SEMA6A: variants seen among roughly 807,000 people sequenced by gnomAD.
The protein encoded by SEMA6A is semaphorin-6A.
In SEMA6A, 25 loss-of-function variants were observed where a neutral mutation model predicts 96.8. The ratio of observed to expected loss-of-function variants is 0.26; its 90% CI spans 0.19 to 0.36. SEMA6A has a LOEUF of 0.36. Ranked by LOEUF, SEMA6A falls within the 10% of genes least tolerant of loss-of-function variation. The pLI is 1.00. For synonymous variants in SEMA6A, 612 were observed against 518.0 expected (o/e 1.18, Z -2.46); for missense variants, 1,363 against 1,323.1 (o/e 1.03, Z -0.47).
At position 116,475,562 on chromosome 5, in the gene SEMA6A, C is replaced by T. The variant is rs752222738; in HGVS notation, c.1691G>A (p.Gly564Asp). 2 of 1,603,414 alleles carry T rather than the reference C, an allele frequency of 1.2e-6. No homozygotes were observed. Among genetic ancestry groups the T allele is most frequent in the South Asian group, 2.3e-5 (2 of 88,456 alleles). ...GTACTTACTGTGACAGTCCCCCAGA[C>T]CATCTGTATTGCCACGCTCTATGTC... is the stretch of plus-strand genomic sequence containing the variant. ...EQDIERGNTD[G>D]LGDCHNSFVA... Residue 564 changes from glycine to aspartate, a missense_variant, in exon 16 of 19, where the codon GGT becomes GAT. Gly to Asp is a moderately conservative substitution (Grantham distance 94). Coordinates refer to ENST00000343348, the MANE Select transcript of SEMA6A (RefSeq NM_020796.5).
At chr5:116,536,409 TGTCCTGGGGAGCCCGA>T (rs1264782553) in intron 1 of SEMA6A, 3 of 152,136 alleles carry the variant, frequency 2.0e-5, no homozygotes, top group Non-Finnish European at 2.9e-5. Context: ...AAAGAGACAT[TGTCCTGGGGAGCCCGA>T]GTCATGGGAA....
intron 10 of SEMA6A, among the ~76,000 whole-genome samples, chr5:116,484,501 G>C (rs574727467): frequency 6.6e-6 from 1 of 151,858 alleles, no homozygotes; most frequent in Non-Finnish European, 1.5e-5. Context: ...CTTCAGTGTG[G>C]AGGCAAATAT....
intron 1 of SEMA6A, among the ~76,000 whole-genome samples, chr5:116,572,786 C>T (rs1369035876): frequency 6.6e-6 from 1 of 152,206 alleles, no homozygotes; most frequent in Non-Finnish European, 1.5e-5. Context: ...CCCGAGCTGT[C>T]CGCATGATTC....
At chr5:116,467,874 C>T (rs1051788245) in intron 17 of SEMA6A, 127 bp from the exon 18 acceptor site, 9 of 855,406 alleles carry the variant, frequency 1.1e-5, no homozygotes, top group Admixed American at 4.9e-5. Context: ...CTAGAAATGA[C>T]ACGGCTTAGT....
At chr5:116,555,494 A>G (rs1377311381) in intron 1 of SEMA6A, among the ~76,000 whole-genome samples, 3 of 152,206 alleles carry the variant, frequency 2.0e-5, no homozygotes, top group African/African-American at 7.2e-5. Flanking sequence ...ACAAAGTTTT[A>G]TTATATAAAA....
chr5:116,468,098 A>G (rs1408531225), intron 17 of SEMA6A: 5 of 227,646 alleles, frequency 2.2e-5, no homozygotes, highest in Non-Finnish European at 4.3e-5. Context: ...AGCATCTTGC[A>G]CAGTGTCTGA....
chr5:116,502,083 G>A (rs1757910158), intron 3 of SEMA6A, 127 bp downstream of exon 3: 6 of 666,582 alleles, frequency 9.0e-6, no homozygotes, highest in Admixed American at 8.6e-5. Flanking sequence ...TAAGTTAAAG[G>A]AGGCTTTAAG....
At chr5:116,561,897 A>T (rs567540164) in intron 1 of SEMA6A, among the ~76,000 whole-genome samples, 15 of 152,324 alleles carry the variant, frequency 9.8e-5, no homozygotes, top group African/African-American at 3.1e-4. Flanking sequence ...CTGAGAGGAA[A>T]CACCTTGTAG....
chr5:116,489,287 T>C (rs944709692), intron 7 of SEMA6A, among the ~76,000 whole-genome samples: 3 of 152,090 alleles, frequency 2.0e-5, no homozygotes, highest in African/African-American at 7.2e-5. Context: ...ATGAAAGATG[T>C]CTGCTTCACT....
At chr5:116,514,322 T>C (rs987787432) in intron 1 of SEMA6A, among the ~76,000 whole-genome samples, 2 of 152,078 alleles carry the variant, frequency 1.3e-5, no homozygotes, top group Non-Finnish European at 2.9e-5. Flanking sequence ...AATAATAGCC[T>C]GGTGTGAGAT....
chr5:116,542,391 A>G (rs1473416529), intron 1 of SEMA6A, among the ~76,000 whole-genome samples: 2 of 152,152 alleles, frequency 1.3e-5, no homozygotes, highest in Non-Finnish European at 2.9e-5. Flanking sequence ...ATTTCTTCCC[A>G]TGAGATCCCT....
intron 17 of SEMA6A, chr5:116,469,023 A>G (rs920115999): frequency 3.3e-5 from 5 of 152,122 alleles, no homozygotes; most frequent in Non-Finnish European, 7.4e-5. Context: ...TGCAAATTAG[A>G]CAAAACATAT....
intron 1 of SEMA6A, among the ~76,000 whole-genome samples, chr5:116,530,938 A>G (rs973807047): frequency 2.0e-5 from 3 of 152,316 alleles, no homozygotes; most frequent in East Asian, 1.9e-4. Context: ...AATCCTCACA[A>G]TAGCTTTAGA....
chr5:116,551,354 T>C (rs1236063416), intron 1 of SEMA6A, among the ~76,000 whole-genome samples: 1 of 71,024 alleles, frequency 1.4e-5, no homozygotes, highest in East Asian at 8.4e-4. Flanking sequence ...ACACACACAT[T>C]CTCTTTGCAG....
intron 1 of SEMA6A, among the ~76,000 whole-genome samples, chr5:116,521,721 G>A (rs560444283): frequency 7.2e-5 from 11 of 152,218 alleles, no homozygotes; most frequent in African/African-American, 1.9e-4. Flanking sequence ...CAGATGTCTC[G>A]GCGTAAAACA....
intron 18 of SEMA6A, among the ~76,000 whole-genome samples, chr5:116,459,309 A>G (rs985032012): frequency 6.6e-5 from 10 of 152,222 alleles, no homozygotes; most frequent in Non-Finnish European, 1.3e-4. Context: ...CATGTAATTA[A>G]TAACCTAATA....
rs1756559388 is a variant in SEMA6A at position 116,478,154 on chromosome 5, T to G, written c.1428A>C (p.Lys476Asn). 3 of 1,613,770 alleles carry G rather than the reference T, an allele frequency of 1.9e-6. No individual in the cohort carries two copies. Among genetic ancestry groups the G allele is most frequent in the Non-Finnish European group, 2.5e-6 (3 of 1,179,814 alleles). Residue 476 changes from lysine to asparagine, a missense_variant and splice_region_variant, in exon 14 of 19, where the codon AAA becomes AAC. Coordinates refer to ENST00000343348, the MANE Select transcript of SEMA6A (RefSeq NM_020796.5). Reference protein sequence around the residue: ...LEEMSVYNSEKCSYDGVEDKR... With the variant: ...LEEMSVYNSENCSYDGVEDKR... ...TGTCTTCGACTCCATCATAGCTGCA[T>G]CTAATTTCATCAGGCAAGATAATAT...
At chr5:116,547,428 A>G (rs1760229858) in intron 1 of SEMA6A, among the ~76,000 whole-genome samples, 1 of 152,160 alleles carries the variant, frequency 6.6e-6, no homozygotes, top group South Asian at 2.1e-4. Context: ...AGAATTTGAA[A>G]TGCCAGCAAA....
intron 18 of SEMA6A, among the ~76,000 whole-genome samples, chr5:116,461,394 C>G (rs1459117521): frequency 6.6e-6 from 1 of 152,012 alleles, no homozygotes; most frequent in Non-Finnish European, 1.5e-5. Flanking sequence ...GCTCTACTCT[C>G]ACATTTAAAA....
Sources: allele counts gnomAD v4.1 joint callset (sites outside exome capture counted in the v4.1 genomes callset), GRCh38; gene constraint gnomAD v4.1.1; transcripts MANE v1.5; gene names NCBI Gene and HGNC (gene_info 2026-07-23, HGNC 2026-07-21).